Variants in KL observed in about 807,000 individuals in gnomAD.
The protein encoded by KL is klotho.
A neutral mutation model predicts 84.2 loss-of-function variants in KL; 62 were observed. That is an observed-to-expected ratio of 0.74 (90% confidence interval 0.60 to 0.91). The LOEUF is 0.91. Ranked by LOEUF, KL falls within the 40% of genes least tolerant of loss-of-function variation. The pLI is 0.00. For synonymous variants in KL, 528 were observed against 528.0 expected (o/e 1.00, Z 0.00); for missense variants, 1,261 against 1,305.7 (o/e 0.97, Z 0.53).
chr13:33,019,629 A>T (rs1038375134), intron 1 of KL, among the ~76,000 whole-genome samples: 1 of 152,016 alleles, frequency 6.6e-6, no homozygotes, highest in African/African-American at 2.4e-5. Context: ...AGCAGGACAA[A>T]TAATGGAGGC....
intron 1 of KL, among the ~76,000 whole-genome samples, chr13:33,038,742 T>C (rs1871230829): frequency 6.6e-6 from 1 of 152,132 alleles, no homozygotes; most frequent in Non-Finnish European, 1.5e-5. Flanking sequence ...AAGTAATCAT[T>C]GAAAAGTGAG....
At chr13:33,040,898 A>G (rs1435326507) in intron 1 of KL, among the ~76,000 whole-genome samples, 1 of 152,102 alleles carries the variant, frequency 6.6e-6, no homozygotes, top group Admixed American at 6.6e-5. Context: ...CCCTCCTCAC[A>G]TGCAACATGT....
rs1453773636 is a variant in KL, at chr13:33,025,667, T to G, written c.819+8408T>G. Among the ~76,000 whole-genome samples, 3 of 152,172 alleles carry G rather than the reference T, an allele frequency of 2.0e-5. No individual in the cohort carries two copies. The East Asian group carries it at 5.8e-4, about 29-fold the overall frequency. On this transcript the variant is annotated intron_variant, in intron 1 of 4. Coordinates refer to ENST00000380099, the MANE Select transcript of KL (RefSeq NM_004795.4). ...ACATTTGCTGTGCAGAACCAAGCAG[T>G]GCCCCAGGTGTTCAGAGTAGGCTTC...
Position 33,016,885 on chromosome 13 carries a change from T to G in KL, c.445T>G (p.Phe149Val). 6.2e-7 allele frequency: 1 copy of G among 1,612,432 alleles called. No individual in the cohort carries two copies. The highest frequency in any genetic ancestry group is 8.5e-7 in the Non-Finnish European group (1 of 1,179,756). Residue 149 changes from phenylalanine to valine, a missense_variant, in exon 1 of 5, where the codon TTC becomes GTC. Coordinates refer to ENST00000380099, the MANE Select transcript of KL (RefSeq NM_004795.4). ...LRELGVTHYR[F>V]SISWARVLPN... ...CGAGCTCGGGGTCACTCACTACCGC[T>G]TCTCCATCTCGTGGGCGCGAGTGCT...
At chr13:33,036,785 CA>C (rs1871158693) in intron 1 of KL, among the ~76,000 whole-genome samples, 4 of 152,098 alleles carry the variant, frequency 2.6e-5, no homozygotes, top group Admixed American at 2.6e-4. Context: ...AAACAATTAT[CA>C]AACTGTACAC....
At chr13:33,057,420 G>A (rs1000640085) in intron 3 of KL, among the ~76,000 whole-genome samples, 1 of 152,162 alleles carries the variant, frequency 6.6e-6, no homozygotes, top group African/African-American at 2.4e-5. Flanking sequence ...GAAAACGCTG[G>A]TCAGAAGCAA....
chr13:33,043,447 T>C (rs1871410598), intron 1 of KL, among the ~76,000 whole-genome samples: 1 of 152,182 alleles, frequency 6.6e-6, no homozygotes, highest in Non-Finnish European at 1.5e-5. Flanking sequence ...CTCGAACTCC[T>C]GGCTTCAAGT....
intron 1 of KL, among the ~76,000 whole-genome samples, chr13:33,047,473 C>T (rs902696423): frequency 1.1e-4 from 17 of 152,192 alleles, no homozygotes; most frequent in Non-Finnish European, 2.2e-4. Flanking sequence ...CTGTCTCAGC[C>T]TCCCGAGTAG....
chr13:33,064,763 T>A lies in KL; in HGVS notation c.*577T>A, dbSNP rs1872346841. 1 of 224,620 alleles carries A rather than the reference T, an allele frequency of 4.5e-6. No individual in the cohort carries two copies. Among genetic ancestry groups the A allele is most frequent in the Admixed American group, 5.7e-5 (1 of 17,524 alleles). The allele number at this position is 224,620 out of a possible 1,614,324, so 13.9% of individuals were successfully genotyped here. On this transcript the variant is annotated 3_prime_UTR_variant, in exon 5 of 5. Transcript: ENST00000380099. ...GCTTCTATCAAATACTAGTATTAAT[T>A]TATGTATCTGGTTAATGACATACTT... is the stretch of plus-strand genomic sequence containing the variant.
chr13:33,048,446 C>G (rs933512870), intron 1 of KL, among the ~76,000 whole-genome samples: 1 of 152,146 alleles, frequency 6.6e-6, no homozygotes, highest in Non-Finnish European at 1.5e-5. Flanking sequence ...CAATATTTTC[C>G]AGACCTACCC....
chr13:33,054,382 T>G (rs1433177973), intron 2 of KL, 105 bp downstream of exon 2: 2 of 1,215,094 alleles, frequency 1.6e-6, no homozygotes, highest in Non-Finnish European at 2.4e-6. Flanking sequence ...TAAATCCTAA[T>G]GGAGACATTC....
chr13:33,053,087 T>A (rs1023909041), intron 1 of KL, among the ~76,000 whole-genome samples: 1 of 152,204 alleles, frequency 6.6e-6, no homozygotes, highest in African/African-American at 2.4e-5. Context: ...GACAACTGAT[T>A]TCCTTGCAGC....
At chr13:33,022,931 G>A (rs1476844080) in intron 1 of KL, among the ~76,000 whole-genome samples, 1 of 152,212 alleles carries the variant, frequency 6.6e-6, no homozygotes, top group Non-Finnish European at 1.5e-5. Context: ...CAATATCTGG[G>A]AAGGAGTTTT....
intron 2 of KL, among the ~76,000 whole-genome samples, chr13:33,054,781 G>C (rs1412477292): frequency 6.6e-6 from 1 of 152,112 alleles, no homozygotes; most frequent in East Asian, 1.9e-4. Flanking sequence ...CAGCCCTGTA[G>C]AATATCTATT....
At chr13:33,050,915 G>C (rs921875074) in intron 1 of KL, among the ~76,000 whole-genome samples, 10 of 152,222 alleles carry the variant, frequency 6.6e-5, no homozygotes, top group African/African-American at 2.4e-4. Flanking sequence ...AGAGCAGTAA[G>C]TGAGGCTCAC....
At chr13:33,046,364 T>C (rs953830162) in intron 1 of KL, among the ~76,000 whole-genome samples, 3 of 152,216 alleles carry the variant, frequency 2.0e-5, no homozygotes, top group Non-Finnish European at 4.4e-5. Context: ...CTTTTGGTAA[T>C]GTGTGTGCTT....
intron 1 of KL, among the ~76,000 whole-genome samples, chr13:33,043,088 C>A (rs1027780012): frequency 2.0e-5 from 3 of 152,108 alleles, no homozygotes; most frequent in African/African-American, 7.2e-5. Flanking sequence ...TATGAACTTG[C>A]TAGATTATAG....
intron 3 of KL, among the ~76,000 whole-genome samples, chr13:33,058,502 G>A (rs1872052403): frequency 6.6e-6 from 1 of 151,756 alleles, no homozygotes; most frequent in Non-Finnish European, 1.5e-5. Flanking sequence ...CACCGCACCC[G>A]GCTAATTTTT....
intron 1 of KL, among the ~76,000 whole-genome samples, chr13:33,034,434 G>C (rs1024023578): frequency 6.6e-6 from 1 of 152,026 alleles, no homozygotes; most frequent in Non-Finnish European, 1.5e-5. Context: ...AAGGATTCTT[G>C]CCTAATAGGG....
Sources: allele counts gnomAD v4.1 joint callset (sites outside exome capture counted in the v4.1 genomes callset), GRCh38; gene constraint gnomAD v4.1.1; transcripts MANE v1.5; gene names NCBI Gene and HGNC (gene_info 2026-07-23, HGNC 2026-07-21).